The following PPP2R5C variants were observed in gnomAD, a reference collection of about 807,000 sequenced individuals.
PPP2R5C encodes the protein protein phosphatase 2 regulatory subunit B'gamma, also known as serine/threonine-protein phosphatase 2A 56 kDa regulatory subunit gamma isoform.
In PPP2R5C, 7 loss-of-function variants were observed where a neutral mutation model predicts 68.9. The ratio of observed to expected loss-of-function variants is 0.10; its 90% CI spans 0.06 to 0.19. PPP2R5C has a LOEUF of 0.19. Among genes scored for constraint, PPP2R5C ranks in the 10% least tolerant of loss-of-function variants. The pLI, the probability that PPP2R5C is intolerant of heterozygous loss-of-function variation, is 1.00. For missense variants in PPP2R5C, 348 were observed against 641.3 expected, an observed-to-expected ratio of 0.54 and a Z score of 4.94; for synonymous variants, 210 against 222.2, an observed-to-expected ratio of 0.95 and a Z score of 0.49.
intron 2 of PPP2R5C, among the ~76,000 whole-genome samples, chr14:101,784,697 A>G (rs1304572585): frequency 1.3e-5 from 2 of 152,238 alleles, no homozygotes; most frequent in Non-Finnish European, 2.9e-5. Flanking sequence ...AAACTGTCTC[A>G]GAGAGTGACA....
rs750375606 is a variant in PPP2R5C, at chr14:101,835,283, G to A, written c.95-21403G>A. On this transcript the variant is annotated intron_variant, in intron 1 of 13. Transcript: ENST00000334743. This position sits in a 1 kb window ranked among gnomAD's most constrained non-coding sequence, Gnocchi z 5.0. ...TGGGATAAGGGAAGCCCAGGGCAGG[G>A]TGTTGGCACAGAGCTGGGAGGTGCA... 3.9e-5 allele frequency among the ~76,000 whole-genome samples: 6 copies of A among 152,184 alleles called. No homozygotes were observed. Among genetic ancestry groups the A allele is most frequent in the Non-Finnish European group, 7.3e-5 (5 of 68,044 alleles).
Position 101,830,422 on chromosome 14 carries a change from C to T in PPP2R5C, c.94+20386C>T, listed in dbSNP as rs139932726. On this transcript the variant is annotated intron_variant, in intron 1 of 13. Transcript: ENST00000334743. ...CATTGTGCCCTTGGTGGTTGTGACCCGATTCAGTCCTGCTTTGAGGCTGAG... is the reference window on the plus strand; with the variant it reads ...CATTGTGCCCTTGGTGGTTGTGACCTGATTCAGTCCTGCTTTGAGGCTGAG... Among the ~76,000 whole-genome samples, 4 of 152,158 alleles carry T rather than the reference C, an allele frequency of 2.6e-5. No homozygotes were observed. In the East Asian group the frequency reaches 7.7e-4, roughly 29 times the overall value.
intron 2 of PPP2R5C, among the ~76,000 whole-genome samples, chr14:101,775,322 A>T (rs766685318): frequency 6.6e-6 from 1 of 152,114 alleles, no homozygotes; most frequent in Non-Finnish European, 1.5e-5. Flanking sequence ...ATGATAAAAC[A>T]TCTAGGAGAG....
In PPP2R5C at chr14:101,784,542, C is replaced by T. The variant is rs1471725803; in HGVS notation, c.94-1476C>T. On this transcript the variant is annotated intron_variant, in intron 2 of 14. Coordinates refer to the PPP2R5C transcript ENST00000328724. ...GGGGAACTGCCAAACACTTGTAAGTCATCAGATCTCCTGAGAACTCACTCA... is the reference window on the plus strand; with the variant it reads ...GGGGAACTGCCAAACACTTGTAAGTTATCAGATCTCCTGAGAACTCACTCA... 3.3e-5 allele frequency among the ~76,000 whole-genome samples: 5 copies of T among 151,808 alleles called. No individual in the cohort carries two copies. In the East Asian group the frequency reaches 5.8e-4, roughly 18 times the overall value.
At chr14:101,871,193 G>A (rs1319090721) in intron 2 of PPP2R5C, among the ~76,000 whole-genome samples, 1 of 148,346 alleles carries the variant, frequency 6.7e-6, no homozygotes, top group Admixed American at 6.7e-5. Flanking sequence ...GGTAGATAGC[G>A]TATTGTTGAG....
intron 2 of PPP2R5C, among the ~76,000 whole-genome samples, chr14:101,777,693 C>T (rs2037493878): frequency 6.6e-6 from 1 of 152,108 alleles, no homozygotes; most frequent in South Asian, 2.1e-4. Flanking sequence ...AACCACCAAA[C>T]TGTTTTCCAT....
chr14:101,828,477 C>G (rs191490550), intron 1 of PPP2R5C, among the ~76,000 whole-genome samples: 1 of 151,904 alleles, frequency 6.6e-6, no homozygotes, highest in Non-Finnish European at 1.5e-5. Context: ...GGGGGAGTGT[C>G]GTATTCAGAG....
intron 2 of PPP2R5C, among the ~76,000 whole-genome samples, chr14:101,878,285 G>A (rs924244150): frequency 6.6e-6 from 1 of 152,220 alleles, no homozygotes; most frequent in Non-Finnish European, 1.5e-5. Flanking sequence ...GTGAGGAAGG[G>A]AGGCCACAAG....
chr14:101,788,484 G>T (rs950964141), intron 3 of PPP2R5C, among the ~76,000 whole-genome samples: 5 of 152,144 alleles, frequency 3.3e-5, no homozygotes, highest in Admixed American at 3.3e-4. Context: ...CTGAGGAGTC[G>T]CTGCACAAGC....
Position 101,820,993 on chromosome 14 carries a change from A to C in PPP2R5C, c.94+10957A>C, listed in dbSNP as rs575830775. The C allele has an allele frequency of 1.8e-4, 28 of 152,108 alleles. No homozygotes were observed. In the South Asian group the frequency reaches 5.8e-3, roughly 32 times the overall value. The allele number at this position is 152,108 out of a possible 1,614,324, so 9.4% of individuals were successfully genotyped here. A position where few individuals can be genotyped will look rare whatever the true frequency, so the allele number is the denominator to read the frequency against. On this transcript the variant is annotated intron_variant, in intron 1 of 13. Transcript: ENST00000334743. ...TCTTGACACCAAAAAAATGGAAAACACGTGGACTTGGAAGTTTTTCTCGAA... is the reference window on the plus strand; with the variant it reads ...TCTTGACACCAAAAAAATGGAAAACCCGTGGACTTGGAAGTTTTTCTCGAA...
rs1216946449 is a variant in PPP2R5C, at chr14:101,917,972, G to GGCAC, written c.1443+26_1443+29dup. Reference sequence around the variant, plus strand: ...GGTAAAAGTGCACCGAGCTCAGCTGGGCACCCATGACTGATTTGCTTAAGA... The same window carrying GGCAC: ...GGTAAAAGTGCACCGAGCTCAGCTGGGCACGCACCCATGACTGATTTGCTTAAGA... On this transcript the variant is annotated intron_variant, in intron 13 of 13. Coordinates refer to ENST00000334743, the Ensembl canonical transcript of PPP2R5C. The surrounding 1 kb of genome is among the most constrained non-coding windows in gnomAD (Gnocchi z 4.4). 10 of 1,613,580 alleles carry GGCAC rather than the reference G, an allele frequency of 6.2e-6. No individual in the cohort carries two copies. Among genetic ancestry groups the GGCAC allele is most frequent in the Non-Finnish European group, 7.6e-6 (9 of 1,179,728 alleles).
At chr14:101,804,991 A>G (rs1056864866), upstream of PPP2R5C, among the ~76,000 whole-genome samples, 1 of 152,118 alleles carries the variant, frequency 6.6e-6, no homozygotes, top group East Asian at 1.9e-4. Flanking sequence ...TTAAATATAT[A>G]TACCTACTAT....
chr14:101,902,524 G>C (rs571281833), intron 9 of PPP2R5C, among the ~76,000 whole-genome samples: 1 of 152,294 alleles, frequency 6.6e-6, no homozygotes, highest in South Asian at 2.1e-4. Context: ...TCATTGAGCG[G>C]ATTTTATTGT....
chr14:101,830,017 C>T (rs1228255562), intron 1 of PPP2R5C, among the ~76,000 whole-genome samples: 1 of 152,074 alleles, frequency 6.6e-6, no homozygotes, highest in African/African-American at 2.4e-5. Context: ...AGCTTTCCTG[C>T]CTAGTAAGAG....
At chr14:101,872,111 A>G (rs998813352) in intron 2 of PPP2R5C, among the ~76,000 whole-genome samples, 8 of 151,758 alleles carry the variant, frequency 5.3e-5, no homozygotes, top group African/African-American at 1.9e-4. Flanking sequence ...TCTGATATCA[A>G]TTACCTTCTG....
chr14:101,810,261 T>C (rs1164603748), intron 1 of PPP2R5C: 1 of 485,534 alleles, frequency 2.1e-6, no homozygotes, highest in African/African-American at 2.0e-5. Context: ...AGTTCAAAGC[T>C]GGTTTTTCTG....
intron 7 of PPP2R5C, among the ~76,000 whole-genome samples, chr14:101,894,213 T>G (rs1457286166): frequency 1.3e-5 from 2 of 152,242 alleles, no homozygotes; most frequent in Non-Finnish European, 2.9e-5. Context: ...GATGACTCGT[T>G]GATTGTAGTC....
intron 1 of PPP2R5C, chr14:101,819,162 TG>T: frequency 7.2e-7 from 1 of 1,389,122 alleles, no homozygotes; most frequent in South Asian, 1.3e-5. Context: ...AGGAATGGGT[TG>T]TCGGTTTTGG....
chr14:101,899,077 A>G lies in PPP2R5C; in HGVS notation c.853-2642A>G, dbSNP rs1455666791. On this transcript the variant is annotated intron_variant, in intron 8 of 13. Transcript: ENST00000334743. This position sits in a 1 kb window ranked among gnomAD's most constrained non-coding sequence, Gnocchi z 4.2. ...AGATATGAAGGACATGTGTTGCCCCATTTGTAGCCTGTAATTAGTATTTTT... is the reference window on the plus strand; with the variant it reads ...AGATATGAAGGACATGTGTTGCCCCGTTTGTAGCCTGTAATTAGTATTTTT... 6.6e-6 allele frequency among the ~76,000 whole-genome samples: 1 copy of G among 152,216 alleles called. No individual in the cohort carries two copies. Among genetic ancestry groups the G allele is most frequent in the Non-Finnish European group, 1.5e-5 (1 of 68,030 alleles).
Sources: gnomAD v4.1 joint callset for allele counts (sites outside exome capture counted in the v4.1 genomes callset) on GRCh38, gnomAD v4.1.1 for gene constraint, Gnocchi (gnomAD v3.1) non-coding constraint, MANE v1.5 for transcripts, NCBI Gene and HGNC (gene_info 2026-07-23, HGNC 2026-07-21) for gene names.